The following PDE1C variants were observed in gnomAD, a reference collection of about 807,000 sequenced individuals.
The protein encoded by PDE1C is dual specificity calcium/calmodulin-dependent 3',5'-cyclic nucleotide phosphodiesterase 1C.
Under a neutral mutation model 93.1 loss-of-function variants are expected in PDE1C, and 62 were observed. The ratio of observed to expected loss-of-function variants is 0.67; its 90% CI spans 0.54 to 0.82. The LOEUF is 0.82. Ranked by LOEUF, PDE1C falls within the 40% of genes least tolerant of loss-of-function variation. The pLI is 0.00. For missense variants in PDE1C, 742 were observed against 884.6 expected (o/e 0.84, Z 2.04); for synonymous variants, 325 against 310.1 (o/e 1.05, Z -0.50).
chr7:31,883,833 A>G, intron 2 of PDE1C, among the ~76,000 whole-genome samples: 1 of 152,354 alleles, frequency 6.6e-6, no homozygotes, highest in East Asian at 1.9e-4. Context: ...TTGTGCCACA[A>G]TTAGCAGAAA....
intron 16 of PDE1C, among the ~76,000 whole-genome samples, chr7:31,795,565 T>C (rs1045798691): frequency 1.3e-5 from 2 of 151,886 alleles, no homozygotes; most frequent in African/African-American, 2.4e-5. Context: ...TGAAAGCTTA[T>C]GTAGCAATAA....
At chr7:32,013,952 C>T (rs967912671) in intron 2 of PDE1C, among the ~76,000 whole-genome samples, 1 of 152,234 alleles carries the variant, frequency 6.6e-6, no homozygotes, top group Non-Finnish European at 1.5e-5. Context: ...ACACACACCT[C>T]TCAAAAGAAT....
intron 3 of PDE1C, among the ~76,000 whole-genome samples, chr7:32,136,446 T>A (rs1800217041): frequency 6.6e-6 from 1 of 152,146 alleles, no homozygotes; most frequent in Non-Finnish European, 1.5e-5. Context: ...GGAGACAGCA[T>A]GCTAAAGGAA....
chr7:32,096,197 G>C (rs995238617), intron 3 of PDE1C, among the ~76,000 whole-genome samples: 1 of 152,170 alleles, frequency 6.6e-6, no homozygotes, highest in Non-Finnish European at 1.5e-5. Flanking sequence ...TCATCTTGAA[G>C]CATTGATGTG....
chr7:31,619,348 C>T, the PDE1C span, among the ~76,000 whole-genome samples: 1 of 152,154 alleles, frequency 6.6e-6, no homozygotes, highest in Non-Finnish European at 1.5e-5. Context: ...TGATTGGTGA[C>T]AAATCCAGAC....
intron 2 of PDE1C, among the ~76,000 whole-genome samples, chr7:32,177,559 G>A (rs1055538200): frequency 4.6e-5 from 7 of 151,948 alleles, no homozygotes; most frequent in African/African-American, 1.7e-4. Flanking sequence ...CCCAACCACC[G>A]CCCTTATAGA....
rs1347568731 is a variant in PDE1C, at chr7:31,753,519, A to T, written c.1995T>A (p.Pro665=). The stretch of plus-strand genomic sequence containing the variant: ...GTGCATAGGAGCTAGATGCGTAAGC[A>T]GGGCGTTTAAAATGACGCAAAGGAG... The part of the protein sequence containing the change: ...IKPPLRHFKR[P]AYASSSYAPS... The change falls in exon 18 of 18, where the codon CCT becomes CCA. Residue 665 remains proline, a synonymous_variant. Coordinates refer to ENST00000396191, the MANE Select transcript of PDE1C (RefSeq NM_001191057.4). 1 of 1,611,640 alleles carries T rather than the reference A, an allele frequency of 6.2e-7. No individual in the cohort carries two copies. Among genetic ancestry groups the T allele is most frequent in the Non-Finnish European group, 8.5e-7 (1 of 1,179,396 alleles).
the PDE1C span, among the ~76,000 whole-genome samples, chr7:31,700,721 G>A: frequency 2.2e-3 from 338 of 152,210 alleles, 2 homozygotes; most frequent in African/African-American, 6.2e-3. Flanking sequence ...ATAATGCCCC[G>A]GTGACTTTAA....
At chr7:31,694,939 G>A in the PDE1C span, among the ~76,000 whole-genome samples, 155 of 152,226 alleles carry the variant, frequency 1.0e-3, no homozygotes, top group African/African-American at 3.3e-3. Flanking sequence ...AGCCAGGAAC[G>A]GTGAAAAGAC....
At chr7:31,679,755 A>G in the PDE1C span, among the ~76,000 whole-genome samples, 705 of 152,272 alleles carry the variant, frequency 4.6e-3, 4 homozygotes, top group African/African-American at 0.016. Flanking sequence ...AGCTGGCATC[A>G]ATTCCCTCGC....
intron 2 of PDE1C, among the ~76,000 whole-genome samples, chr7:32,045,991 G>C (rs1005761418): frequency 2.6e-5 from 4 of 152,096 alleles, no homozygotes; most frequent in African/African-American, 4.8e-5. Flanking sequence ...TCAATTACTG[G>C]GTTCATCAAG....
At chr7:32,159,937 T>C (rs1801809511) in intron 3 of PDE1C, among the ~76,000 whole-genome samples, 1 of 152,076 alleles carries the variant, frequency 6.6e-6, no homozygotes, top group African/African-American at 2.4e-5. Flanking sequence ...ATCTCAGAAG[T>C]TACCTGGGAT....
At chr7:32,422,569 ATAAG>A (rs1278246271) in intron 1 of PDE1C, among the ~76,000 whole-genome samples, 2 of 149,962 alleles carry the variant, frequency 1.3e-5, no homozygotes, top group Non-Finnish European at 3.0e-5. Context: ...GTTCCCACTT[ATAAG>A]TAAGATCATG....
chr7:32,090,563 C>A (rs776589702), intron 3 of PDE1C, among the ~76,000 whole-genome samples: 77 of 152,272 alleles, frequency 5.1e-4, no homozygotes, highest in Middle Eastern at 3.4e-3. Context: ...CACTTCAAAT[C>A]GTTGTTTTAG....
intron 1 of PDE1C, among the ~76,000 whole-genome samples, chr7:32,282,583 C>CT (rs367633822): frequency 0.98 from 121,291 of 123,696 alleles, 59,546 homozygotes; most frequent in Non-Finnish European, 0.99. Flanking sequence ...TTTATGTCTT[C>CT]TTTTTTTTTT....
At chr7:31,841,808 C>T (rs1047565400) in intron 9 of PDE1C, among the ~76,000 whole-genome samples, 1 of 152,052 alleles carries the variant, frequency 6.6e-6, no homozygotes, top group Non-Finnish European at 1.5e-5. Flanking sequence ...TGACAAGTCC[C>T]AAGATCTGCA....
At chr7:32,371,245 T>C (rs1369555124) in intron 1 of PDE1C, among the ~76,000 whole-genome samples, 1 of 152,170 alleles carries the variant, frequency 6.6e-6, no homozygotes, top group Non-Finnish European at 1.5e-5. Context: ...TATGCATCCC[T>C]CTGACCTCCA....
At chr7:31,817,242 C>A (rs1788389197) in intron 14 of PDE1C, among the ~76,000 whole-genome samples, 1 of 152,034 alleles carries the variant, frequency 6.6e-6, no homozygotes, top group Non-Finnish European at 1.5e-5. Context: ...TGACATTTAA[C>A]CAAGTCCTAA....
the PDE1C span, among the ~76,000 whole-genome samples, chr7:31,685,289 A>G: frequency 2.7e-3 from 406 of 152,340 alleles, no homozygotes; most frequent in African/African-American, 9.3e-3. Context: ...GCATGGCTAT[A>G]TAACGGCAAG....
Sources: gnomAD v4.1 joint callset for allele counts (sites outside exome capture counted in the v4.1 genomes callset) on GRCh38, gnomAD v4.1.1 for gene constraint, MANE v1.5 for transcripts, NCBI Gene and HGNC (gene_info 2026-07-23, HGNC 2026-07-21) for gene names.